The following TNNI1 variants were observed in gnomAD, a reference collection of about 807,000 sequenced individuals.
The protein encoded by TNNI1 is troponin I, slow skeletal muscle.
A neutral mutation model predicts 26.7 loss-of-function variants in TNNI1; 14 were observed. The ratio of observed to expected loss-of-function variants is 0.52; its 90% confidence interval spans 0.35 to 0.82. The LOEUF (loss-of-function observed/expected upper bound fraction) is 0.82, where lower values mean the gene tolerates loss of function less well. Among genes scored for constraint, TNNI1 ranks in the 40% least tolerant of loss-of-function variants. TNNI1 has a pLI of 0.01. For missense variants in TNNI1, 164 were observed against 257.0 expected (o/e 0.64, Z 2.47); for synonymous variants, 79 against 98.2 (o/e 0.80, Z 1.16).
At position 201,417,100 on chromosome 1, in the gene TNNI1, C is replaced by T. The variant is rs374793712; in HGVS notation, c.15+16G>A. ...TTAGAGTTAACCAAGACAGAGATAC[C>T]CCAAATATCACTTACCTCGCTTCAG... On this transcript the variant is annotated intron_variant, in intron 3 of 8. Coordinates refer to ENST00000361379, the MANE Select transcript of TNNI1 (RefSeq NM_003281.4). 141 of 1,614,032 alleles carry T rather than the reference C, an allele frequency of 8.7e-5. 1 individual carries two copies. Among genetic ancestry groups the T allele is most frequent in the Non-Finnish European group, 1.5e-5 (18 of 1,180,030 alleles).
In TNNI1 at chr1:201,421,705, G is replaced by A. The variant is rs1033728567; in HGVS notation, c.-52C>T. The A allele has an allele frequency of 6.6e-6, 1 of 152,344 alleles. No individual in the cohort carries two copies. Among genetic ancestry groups the A allele is most frequent in the Non-Finnish European group, 1.5e-5 (1 of 68,174 alleles). The allele number at this position is 152,344 out of a possible 1,614,324, so 9.4% of individuals were successfully genotyped here. ...AGTCCTCGTGGAGCTGGGCTGGCCT[G>A]TGCCTCGCCGTAGACTGCAGACTGT... On this transcript the variant is annotated 5_prime_UTR_variant, in exon 1 of 9. Coordinates refer to ENST00000361379, the MANE Select transcript of TNNI1 (RefSeq NM_003281.4).
rs545034033 is a variant in TNNI1, at chr1:201,410,099, T to C, written c.*2+227A>G. The C allele has an allele frequency of 4.5e-4, 215 of 480,372 alleles. 4 individuals carry two copies. In the East Asian group the frequency reaches 7.2e-3, roughly 16 times the overall value. The allele number at this position is 480,372 out of a possible 1,614,324, so 29.8% of individuals were successfully genotyped here. ...TGATTTGATACAGCCCCCAATTTCATAGATAATGGGAACAAAAAGGGCCGC... is the reference window on the plus strand; with the variant it reads ...TGATTTGATACAGCCCCCAATTTCACAGATAATGGGAACAAAAAGGGCCGC... On this transcript the variant is annotated intron_variant, in intron 8 of 8. Transcript: ENST00000361379.
chr1:201,414,392 G>C (rs892080865), intron 5 of TNNI1, 126 bp downstream of exon 5: 2 of 775,532 alleles, frequency 2.6e-6, no homozygotes, highest in Non-Finnish European at 3.9e-6. Flanking sequence ...CCATGTAAGG[G>C]AGGAGTGCCC....
chr1:201,414,497 C>A, intron 5 of TNNI1, 21 bp downstream of exon 5: 1 of 1,552,560 alleles, frequency 6.4e-7, no homozygotes, highest in African/African-American at 1.4e-5. Context: ...CACCCTGCCC[C>A]GCCCCACCTG....
intron 1 of TNNI1, among the ~76,000 whole-genome samples, chr1:201,420,295 G>A (rs1571740291): frequency 6.6e-6 from 1 of 152,246 alleles, no homozygotes; most frequent in African/African-American, 2.4e-5. Context: ...TCAGACGGGG[G>A]CCCTTGCCAG....
chr1:201,410,136 G>T, intron 8 of TNNI1, 190 bp downstream of exon 8: 1 of 534,750 alleles, frequency 1.9e-6, no homozygotes, highest in South Asian at 2.8e-5. Context: ...AAACAGAAAT[G>T]ACATGCCCAA....
At chr1:201,418,336 T>G (rs1662791940) in intron 1 of TNNI1, among the ~76,000 whole-genome samples, 1 of 152,002 alleles carries the variant, frequency 6.6e-6, no homozygotes, top group South Asian at 2.1e-4. Context: ...AGCATGGTGG[T>G]GCACGCCTAT....
chr1:201,417,910 C>G, intron 1 of TNNI1, 98 bp from the exon 2 acceptor site: 1 of 912,738 alleles, frequency 1.1e-6, no homozygotes, highest in Non-Finnish European at 1.5e-6. Flanking sequence ...AGAGTCAGAA[C>G]ACAAAAGGAA....
Position 201,411,680 on chromosome 1 carries a change from C to A in TNNI1, c.280-147G>T, listed in dbSNP as rs189242816. ...GCCAGACCTATCAGCAGTCACCAAC[C>A]TTTTTGTCACCAGGGACCGGTTTTG... On this transcript the variant is annotated intron_variant, in intron 6 of 8. Transcript: ENST00000361379. This position sits in a 1 kb window ranked among gnomAD's most constrained non-coding sequence, Gnocchi z 4.6. 5 of 816,408 alleles carry A rather than the reference C, an allele frequency of 6.1e-6. No individual in the cohort carries two copies. The highest frequency in any genetic ancestry group is 3.6e-5 in the African/African-American group (2 of 55,546). 50.6% of individuals were successfully genotyped at this position (816,408 alleles called of 1,614,324 possible).
Position 201,414,503 on chromosome 1 carries a change from A to G in TNNI1, c.189+15T>C. The G allele has an allele frequency of 6.4e-7, 1 of 1,564,390 alleles. No homozygotes were observed. Among genetic ancestry groups the G allele is most frequent in the Non-Finnish European group, 8.7e-7 (1 of 1,151,820 alleles). On this transcript the variant is annotated intron_variant, in intron 5 of 8. Coordinates refer to ENST00000361379, the MANE Select transcript of TNNI1 (RefSeq NM_003281.4). ...CTCCAGCCCCACCCTGCCCCGCCCC[A>G]CCTGCCAGGCTAACCTGCAGGGCAC...
intron 4 of TNNI1, among the ~76,000 whole-genome samples, chr1:201,414,850 C>G (rs1308210331): frequency 1.2e-4 from 19 of 152,240 alleles, no homozygotes. Context: ...AACTTGTTTT[C>G]CCCGGACAGT....
chr1:201,412,535 C>T lies in TNNI1; in HGVS notation c.279+497G>A, dbSNP rs141137007. 2.1e-4 allele frequency among the ~76,000 whole-genome samples: 32 copies of T among 152,274 alleles called. No individual in the cohort carries two copies. The East Asian group carries it at 5.8e-3, about 28-fold the overall frequency. ...GGAGCTAATCCTCCCACACCCCATG[C>T]TAAGGGAGCACAGAGCACCGGAGTG... On this transcript the variant is annotated intron_variant, in intron 6 of 8. Coordinates refer to ENST00000361379, the MANE Select transcript of TNNI1 (RefSeq NM_003281.4).
Position 201,404,018 on chromosome 1 carries a change from C to T in TNNI1, c.*5235G>A, listed in dbSNP as rs549550649. 10 of 152,270 alleles carry T rather than the reference C, an allele frequency of 6.6e-5. No homozygotes were observed. In the East Asian group the frequency reaches 1.5e-3, roughly 23 times the overall value. 9.4% of individuals were successfully genotyped at this position (152,270 alleles called of 1,614,324 possible). ...CGATTCTTTATACGTACATTAAAAA[C>T]GTATGCGTGTCCTGGTTACTTCCTC... On this transcript the variant is annotated 3_prime_UTR_variant, in exon 9 of 9. Transcript: ENST00000361379.
chr1:201,414,374 A>T, intron 5 of TNNI1, 144 bp downstream of exon 5: 1 of 681,432 alleles, frequency 1.5e-6, no homozygotes, highest in Non-Finnish European at 2.3e-6. Flanking sequence ...TGTGAAGATT[A>T]AATGAGACCA....
At chr1:201,415,790 A>C (rs1394829846) in intron 3 of TNNI1, among the ~76,000 whole-genome samples, 1 of 152,190 alleles carries the variant, frequency 6.6e-6, no homozygotes, top group Non-Finnish European at 1.5e-5. Context: ...AAATGTTAAC[A>C]CCACCCATAC....
chr1:201,417,357 G>A (rs1436436478), intron 2 of TNNI1, among the ~76,000 whole-genome samples: 1 of 152,202 alleles, frequency 6.6e-6, no homozygotes, highest in Non-Finnish European at 1.5e-5. Flanking sequence ...CTTATTGGGA[G>A]GTACTGGGCA....
chr1:201,417,370 G>A (rs776477920), intron 2 of TNNI1, among the ~76,000 whole-genome samples: 2 of 152,174 alleles, frequency 1.3e-5, no homozygotes, highest in African/African-American at 4.8e-5. Flanking sequence ...ACTGGGCATC[G>A]TAAGTTGGGG....
In TNNI1 at chr1:201,404,152, G is replaced by A. The variant is rs946479904; in HGVS notation, c.*5101C>T. 2.0e-5 allele frequency: 3 copies of A among 152,056 alleles called. No individual in the cohort carries two copies. The highest frequency in any genetic ancestry group is 4.4e-5 in the Non-Finnish European group (3 of 68,002). 9.4% of individuals were successfully genotyped at this position (152,056 alleles called of 1,614,324 possible). A position where few individuals can be genotyped will look rare whatever the true frequency, so the allele number is the denominator to read the frequency against. On this transcript the variant is annotated 3_prime_UTR_variant, in exon 9 of 9. Transcript: ENST00000361379. ...GGTTGGGCAAGGGGTCATCTCTCTCGTCCCCTCCCTCGAGGTTCTGAGGAG... is the reference window on the plus strand; with the variant it reads ...GGTTGGGCAAGGGGTCATCTCTCTCATCCCCTCCCTCGAGGTTCTGAGGAG...
At position 201,420,588 on chromosome 1, in the gene TNNI1, TGA is replaced by T. The variant is rs559938415; in HGVS notation, c.-20+1083_-20+1084del. Among the ~76,000 whole-genome samples the T allele has an allele frequency of 1.4e-4, 21 of 152,078 alleles. No individual in the cohort carries two copies. The East Asian group carries it at 2.5e-3, about 18-fold the overall frequency. On this transcript the variant is annotated intron_variant, in intron 1 of 8. Transcript: ENST00000361379. The stretch of plus-strand genomic sequence containing the variant: ...GTGACTGTGTGTGAGAGTGTGAGTG[TGA>T]GAGAGAGAGCGTGTATATGTAGGGG...
Sources: gnomAD v4.1 joint callset for allele counts (sites outside exome capture counted in the v4.1 genomes callset) on GRCh38, gnomAD v4.1.1 for gene constraint, Gnocchi (gnomAD v3.1) non-coding constraint, MANE v1.5 for transcripts, NCBI Gene and HGNC (gene_info 2026-07-23, HGNC 2026-07-21) for gene names.